SVEP1: variants seen among roughly 807,000 people sequenced by gnomAD.
The protein encoded by SVEP1 is sushi, von Willebrand factor type A, EGF and pentraxin domain-containing protein 1.
In SVEP1, 164 loss-of-function variants were observed where a neutral mutation model predicts 367.3. That is an observed-to-expected ratio of 0.45 (90% CI 0.39 to 0.51). The LOEUF is 0.51. Ranked by LOEUF, SVEP1 falls within the 20% of genes least tolerant of loss-of-function variation. The pLI, the probability that SVEP1 is intolerant of heterozygous loss-of-function variation, is 0.00. For synonymous variants in SVEP1, 1,666 were observed against 1,611.6 expected (o/e 1.03, Z -0.81); for missense variants, 4,117 against 4,425.3 (o/e 0.93, Z 1.98).
chr9:110,408,298 T>C lies in SVEP1; in HGVS notation c.7302A>G (p.Glu2434=), dbSNP rs775538499. The C allele has an allele frequency of 5.6e-6, 9 of 1,613,884 alleles. No individual in the cohort carries two copies. In the African/African-American group the frequency reaches 9.3e-5, roughly 17 times the overall value. Residue 2434 remains glutamate (E), a synonymous_variant, in exon 38 of 48, where the codon GAA becomes GAG. Coordinates refer to ENST00000374469, the MANE Select transcript of SVEP1 (RefSeq NM_153366.4). ...GTTGGGGACATTCTACTGGAACACA[T>C]TCTGGCAGTGGAGAGCTCCAGGTGC... ...PDGTWSSPLP[E]CVPVECPQPE... is the part of the protein sequence containing the mutation.
chr9:110,445,147 A>G (rs977940647), intron 26 of SVEP1, among the ~76,000 whole-genome samples: 1 of 152,208 alleles, frequency 6.6e-6, no homozygotes, highest in Admixed American at 6.5e-5. Flanking sequence ...TTAAAAAAGC[A>G]GTGGTTTTAA....
At chr9:110,403,296 G>GGTTTTTTTTTTTTTT (rs1827892964) in intron 39 of SVEP1, among the ~76,000 whole-genome samples, 1 of 43,454 alleles carries the variant, frequency 2.3e-5, no homozygotes, top group East Asian at 6.9e-4. Flanking sequence ...CGCCACCGCC[G>GGTTTTTTTTTTTTTT]TTTTTTTTTT....
At chr9:110,434,637 G>T in intron 29 of SVEP1, 131 bp from the exon 30 acceptor site, 6 of 171,598 alleles carry the variant, frequency 3.5e-5, no homozygotes, top group Non-Finnish European at 5.4e-5. Flanking sequence ...AAGTTAACAT[G>T]TAACCAGATC....
intron 18 of SVEP1, among the ~76,000 whole-genome samples, chr9:110,464,347 G>A (rs190384816): frequency 3.5e-4 from 54 of 152,286 alleles, no homozygotes; most frequent in African/African-American, 1.2e-3. Flanking sequence ...AATGCCTCAG[G>A]TCTCAGACTT....
At chr9:110,549,732 C>T in intron 2 of SVEP1, 117 bp downstream of exon 2, 1 of 1,324,250 alleles carries the variant, frequency 7.6e-7, no homozygotes, top group Non-Finnish European at 1.0e-6. Flanking sequence ...ACATGGGCAT[C>T]ATATTCAGCA....
intron 32 of SVEP1, among the ~76,000 whole-genome samples, chr9:110,431,206 T>G (rs1015187311): frequency 1.3e-5 from 2 of 152,122 alleles, no homozygotes; most frequent in Non-Finnish European, 2.9e-5. Context: ...CACCTAATAT[T>G]AACATACAGA....
At position 110,482,365 on chromosome 9, in the gene SVEP1, T is replaced by A. The variant is rs778922596; in HGVS notation, c.2166A>T (p.Ile722=). The A allele has an allele frequency of 1.2e-6, 2 of 1,611,758 alleles. No individual in the cohort carries two copies. The highest frequency in any genetic ancestry group is 1.7e-5 in the Admixed American group (1 of 59,836). ...GGGGACTTATGAAGACAATACCTTTTATGACAATATGGATATCACATGTCC... is the reference window on the plus strand; with the variant it reads ...GGGGACTTATGAAGACAATACCTTTAATGACAATATGGATATCACATGTCC... The part of the protein sequence containing the change: ...NNRTCDIHIV[I]KGSPCEIPFT... Residue 722 remains isoleucine (I), a synonymous_variant, in exon 11 of 48, where the codon ATA becomes ATT. Coordinates refer to ENST00000374469, the MANE Select transcript of SVEP1 (RefSeq NM_153366.4).
chr9:110,470,089 A>C (rs543948114), intron 16 of SVEP1, among the ~76,000 whole-genome samples: 86 of 152,276 alleles, frequency 5.6e-4, no homozygotes, highest in Middle Eastern at 3.4e-3. Context: ...CAGTTCCATT[A>C]CAGGAGATTT....
chr9:110,408,410 G>A lies in SVEP1; in HGVS notation c.7190C>T (p.Ala2397Val), dbSNP rs373769188. 5.6e-6 allele frequency: 9 copies of A among 1,613,844 alleles called. No homozygotes were observed. The African/African-American group carries it at 1.2e-4, about 22-fold the overall frequency. The stretch of plus-strand genomic sequence containing the variant: ...CTTGACAGTACTTCCAAAATGAAGA[G>A]CAGAAGAAGGAATGGGGACACCAAA... The part of the protein sequence containing the change: ...ISFGVPIPSS[A>V]LHFGSTVKYS... Residue 2397 changes from alanine (A) to valine (V), a missense_variant, in exon 38 of 48, where the codon GCT becomes GTT. Around this residue, in one of 4 missense-constraint regions of SVEP1, gnomAD observed 1,765 missense variants for 1,781.1 expected, o/e 0.99. Coordinates refer to ENST00000374469, the MANE Select transcript of SVEP1 (RefSeq NM_153366.4).
chr9:110,515,543 G>A (rs1829789087), intron 3 of SVEP1, among the ~76,000 whole-genome samples: 2 of 151,814 alleles, frequency 1.3e-5, no homozygotes, highest in South Asian at 2.1e-4. Context: ...CTCATGATCC[G>A]CCCGCCTCAG....
chr9:110,569,092 CA>C (rs1195724515), intron 1 of SVEP1, among the ~76,000 whole-genome samples: 1 of 149,274 alleles, frequency 6.7e-6, no homozygotes, highest in Admixed American at 6.7e-5. Context: ...GACCCTGTCT[CA>C]AAAAAATAAA....
In SVEP1 at chr9:110,411,091, G is replaced by C; in HGVS notation, c.6620C>G (p.Pro2207Arg). 2 of 1,600,220 alleles carry C rather than the reference G, an allele frequency of 1.2e-6. No homozygotes were observed. The highest frequency in any genetic ancestry group is 2.3e-5 in the South Asian group (2 of 88,656). The change falls in exon 37 of 48, where the codon CCA (proline) becomes CGA (arginine). Residue 2207 changes from proline (P) to arginine (R), a missense_variant. Pro to Arg is a moderately radical substitution (Grantham distance 103). Around this residue, in one of 4 missense-constraint regions of SVEP1, gnomAD observed 1,765 missense variants for 1,781.1 expected, o/e 0.99. Coordinates refer to ENST00000374469, the MANE Select transcript of SVEP1 (RefSeq NM_153366.4). ...PTCHPVSCGE[P>R]PKVENGFLEH... is the part of the protein sequence containing the mutation. ...CAGAAAGCCATTCTCAACCTTAGGT[G>C]GTTCACCACAAGATACCGGGTGGCA...
At chr9:110,554,728 G>A (rs755559305) in intron 1 of SVEP1, among the ~76,000 whole-genome samples, 5 of 51,554 alleles carry the variant, frequency 9.7e-5, no homozygotes, top group African/African-American at 3.7e-4. Flanking sequence ...ATAGATGTGC[G>A]TGTGTGTGTG....
At chr9:110,444,457 C>A (rs988086065) in intron 26 of SVEP1, among the ~76,000 whole-genome samples, 7 of 152,142 alleles carry the variant, frequency 4.6e-5, no homozygotes, top group African/African-American at 1.7e-4. Flanking sequence ...CAAGTCTATG[C>A]TATTTATTAT....
chr9:110,572,694 T>G (rs1262276965), intron 1 of SVEP1, among the ~76,000 whole-genome samples: 1 of 148,636 alleles, frequency 6.7e-6, no homozygotes, highest in East Asian at 2.1e-4. Context: ...AAACCTTGTC[T>G]CTACTAAAAA....
At chr9:110,481,999 C>T (rs1322691864) in intron 11 of SVEP1, among the ~76,000 whole-genome samples, 1 of 152,186 alleles carries the variant, frequency 6.6e-6, no homozygotes, top group East Asian at 1.9e-4. Context: ...AGGCGTGAGT[C>T]ACCATGCCCT....
intron 22 of SVEP1, among the ~76,000 whole-genome samples, chr9:110,455,057 G>A (rs554720425): frequency 2.6e-5 from 4 of 152,220 alleles, no homozygotes; most frequent in Non-Finnish European, 5.9e-5. Flanking sequence ...AAAAGGAGAG[G>A]CATAGTGGTC....
intron 7 of SVEP1, 52 bp downstream of exon 7, chr9:110,498,989 T>C (rs1156336554): frequency 3.3e-6 from 5 of 1,522,434 alleles, no homozygotes; most frequent in Non-Finnish European, 3.6e-6. Flanking sequence ...ACTGCACCCA[T>C]ATGGCAATAT....
At chr9:110,367,300 C>T (rs1588014411) in intron 47 of SVEP1, among the ~76,000 whole-genome samples, 1 of 152,172 alleles carries the variant, frequency 6.6e-6, no homozygotes, top group African/African-American at 2.4e-5. Context: ...GCTGAGACTA[C>T]AGGTGTGTGC....
Sources: allele counts gnomAD v4.1 joint callset (sites outside exome capture counted in the v4.1 genomes callset), GRCh38; gene constraint gnomAD v4.1.1; regional missense constraint gnomAD v4.1.1; transcripts MANE v1.5; gene names NCBI Gene and HGNC (gene_info 2026-07-23, HGNC 2026-07-21).